Variants in PCDHA5 observed in about 807,000 individuals in gnomAD.
The protein encoded by PCDHA5 is protocadherin alpha-5.
Under a neutral mutation model 61.6 loss-of-function variants are expected in PCDHA5, and 43 were observed. The ratio of observed to expected loss-of-function variants is 0.70; its 90% CI spans 0.55 to 0.90. The LOEUF is 0.90. Ranked by LOEUF, PCDHA5 falls within the 40% of genes least tolerant of loss-of-function variation. PCDHA5 has a pLI of 0.00. For synonymous variants in PCDHA5, 627 were observed against 543.9 expected (o/e 1.15, Z -2.13); for missense variants, 1,298 against 1,222.7 (o/e 1.06, Z -0.92).
intron 1 of PCDHA5, among the ~76,000 whole-genome samples, chr5:140,827,575 G>A (rs1173204419): frequency 6.6e-5 from 10 of 152,266 alleles, no homozygotes; most frequent in African/African-American, 2.4e-4. Flanking sequence ...CTATATAATA[G>A]CATGTCCTAG....
At chr5:140,829,036 A>G (rs1770084971) in intron 1 of PCDHA5, 4 of 1,612,958 alleles carry the variant, frequency 2.5e-6, no homozygotes, top group Non-Finnish European at 3.4e-6. Flanking sequence ...AAGAAAACTT[A>G]TACAAAATCC....
chr5:140,828,225 T>A (rs1554131106), intron 1 of PCDHA5: 1 of 1,613,878 alleles, frequency 6.2e-7, no homozygotes, highest in East Asian at 2.2e-5. Context: ...GGCACCTTCG[T>A]GGGCCGGATC....
intron 1 of PCDHA5, chr5:140,866,685 A>T (rs2049496850): frequency 6.6e-6 from 1 of 152,190 alleles, no homozygotes; most frequent in Admixed American, 6.5e-5. Context: ...TAGGTCTGTT[A>T]GAATATCAGT....
chr5:140,850,459 G>T (rs868917699), intron 1 of PCDHA5: 1 of 1,597,898 alleles, frequency 6.3e-7, no homozygotes, highest in Admixed American at 1.7e-5. Flanking sequence ...AAAGACCACG[G>T]GGAGCCAGCG....
rs781972089 is a variant in PCDHA5 at position 141,009,851 on chromosome 5, A to G, written c.2725A>G (p.Lys909Glu). 1 of 1,614,060 alleles carries G rather than the reference A, an allele frequency of 6.2e-7. No individual in the cohort carries two copies. Among genetic ancestry groups the G allele is most frequent in the Non-Finnish European group, 8.5e-7 (1 of 1,179,986 alleles). Residue 909 changes from lysine to glutamate, a missense_variant, in exon 4 of 4, where the codon AAG becomes GAG. Transcript: ENST00000529859. ...AACCTTCGGCAAAAAGGAGGAGACC[A>G]AGAAAAAGAAGAAAAAGAAGAAGGG... is the stretch of plus-strand genomic sequence containing the variant. ...FITFGKKEETKKKKKKKKGNK... is the reference protein window; with the variant it reads ...FITFGKKEETEKKKKKKKGNK...
intron 1 of PCDHA5, chr5:140,829,365 T>C: frequency 6.2e-7 from 1 of 1,614,230 alleles, no homozygotes; most frequent in Non-Finnish European, 8.5e-7. Context: ...GAGTTGGTGG[T>C]AACCGCGCGG....
chr5:140,835,407 G>A (rs2150234983), intron 1 of PCDHA5: 1 of 1,613,974 alleles, frequency 6.2e-7, no homozygotes, highest in Non-Finnish European at 8.5e-7. Flanking sequence ...GGAAGTTGTG[G>A]ATGTAAATGA....
intron 1 of PCDHA5, among the ~76,000 whole-genome samples, chr5:140,949,776 A>G (rs1554219139): frequency 6.6e-6 from 1 of 151,716 alleles, no homozygotes; most frequent in Non-Finnish European, 1.5e-5. Flanking sequence ...AATATTTGAT[A>G]TGTTTAGATT....
chr5:140,856,649 C>T, intron 1 of PCDHA5: 1 of 1,598,072 alleles, frequency 6.3e-7, no homozygotes, highest in South Asian at 1.1e-5. Context: ...GCTGCTGGAT[C>T]GTGAAGAAAA....
At chr5:140,856,401 T>C (rs782164641) in intron 1 of PCDHA5, 20 of 1,598,386 alleles carry the variant, frequency 1.3e-5, no homozygotes, top group Non-Finnish European at 4.3e-6. Context: ...GTTTTCCATG[T>C]GGACGTGGAA....
At chr5:140,979,052 G>T (rs2096833352) in intron 2 of PCDHA5, 45 bp downstream of exon 2, 1 of 1,609,668 alleles carries the variant, frequency 6.2e-7, no homozygotes, top group Non-Finnish European at 8.5e-7. Context: ...CCTTAACTTG[G>T]TATGGCTCAG....
intron 1 of PCDHA5, among the ~76,000 whole-genome samples, chr5:140,898,648 G>A (rs1436511217): frequency 6.6e-6 from 1 of 152,136 alleles, no homozygotes; most frequent in Non-Finnish European, 1.5e-5. Flanking sequence ...TGTTCTTTTG[G>A]CTTAGGATTG....
At chr5:140,843,435 G>A (rs2150359827) in intron 1 of PCDHA5, 3 of 1,596,130 alleles carry the variant, frequency 1.9e-6, no homozygotes, top group Non-Finnish European at 2.6e-6. Flanking sequence ...ATCGCCATCT[G>A]CGCGGTATCC....
chr5:140,826,610 G>A (rs1331422800), intron 1 of PCDHA5, among the ~76,000 whole-genome samples: 1 of 152,086 alleles, frequency 6.6e-6, no homozygotes, highest in Admixed American at 6.6e-5. Flanking sequence ...AATTAAGGGC[G>A]AAGTTGATAT....
chr5:140,993,853 A>G (rs1423193144), intron 3 of PCDHA5, among the ~76,000 whole-genome samples: 5 of 152,198 alleles, frequency 3.3e-5, no homozygotes, highest in African/African-American at 7.2e-5. Context: ...GTAGTAGGCT[A>G]TGCCATCTAG....
chr5:140,849,638 C>T (rs2041012069), intron 1 of PCDHA5: 1 of 1,598,650 alleles, frequency 6.3e-7, no homozygotes, highest in African/African-American at 1.3e-5. Flanking sequence ...ACGCAGATGC[C>T]AACGGGCAGG....
chr5:140,835,620 C>T, intron 1 of PCDHA5: 2 of 1,613,942 alleles, frequency 1.2e-6, no homozygotes, highest in Non-Finnish European at 1.7e-6. Flanking sequence ...GGACAGCGCT[C>T]TGGACCGCGA....
Position 140,853,518 on chromosome 5 carries a change from C to A in PCDHA5, c.2352+29391C>A. On this transcript the variant is annotated intron_variant, in intron 1 of 3. Coordinates refer to ENST00000529859, the MANE Select transcript of PCDHA5 (RefSeq NM_018908.3). ...AGAATCATGAAACAATAATGAAGCT[C>A]CTCCTATGTCTCTTTTCAAGTTGTA... 2.0e-6 allele frequency: 2 copies of A among 976,172 alleles called. 1 individual carries two copies. 60.5% of individuals were successfully genotyped at this position (976,172 alleles called of 1,614,324 possible).
chr5:140,876,967 G>T lies in PCDHA5; in HGVS notation c.2352+52840G>T, dbSNP rs200960356. On this transcript the variant is annotated intron_variant, in intron 1 of 3. Coordinates refer to ENST00000529859, the MANE Select transcript of PCDHA5 (RefSeq NM_018908.3). ...GTCCTACTCGCTGGTGGAGCGGCGG[G>T]TGGGCGAGCACGCACTGTCGAGCTA... The T allele has an allele frequency of 3.1e-6, 5 of 1,613,050 alleles. No homozygotes were observed. The South Asian group carries it at 3.3e-5, about 11-fold the overall frequency.
Sources: gnomAD v4.1 joint callset for allele counts (sites outside exome capture counted in the v4.1 genomes callset) on GRCh38, gnomAD v4.1.1 for gene constraint, MANE v1.5 for transcripts, NCBI Gene and HGNC (gene_info 2026-07-23, HGNC 2026-07-21) for gene names.